The following NEGR1 variants were observed in gnomAD, a reference collection of about 807,000 sequenced individuals.
NEGR1 encodes neuronal growth regulator 1, also known as IgLON family member 4.
A neutral mutation model predicts 40.9 loss-of-function variants in NEGR1; 10 were observed. The observed-to-expected ratio is 0.24, with a 90% confidence interval of 0.15 to 0.42. The LOEUF (loss-of-function observed/expected upper bound fraction) is 0.42. Among genes scored for constraint, NEGR1 ranks in the 10% least tolerant of loss-of-function variants. NEGR1 has a pLI of 1.00. For missense variants in NEGR1, 352 were observed against 438.9 expected (o/e 0.80, Z 1.77); for synonymous variants, 185 against 166.8 (o/e 1.11, Z -0.84).
intron 1 of NEGR1, among the ~76,000 whole-genome samples, chr1:72,131,595 G>C (rs1465085996): frequency 6.6e-6 from 1 of 152,140 alleles, no homozygotes; most frequent in Admixed American, 6.6e-5. Context: ...ACGATAACAA[G>C]ATAATTTTCA....
At chr1:71,781,754 T>C (rs371929749) in intron 2 of NEGR1, among the ~76,000 whole-genome samples, 1 of 152,188 alleles carries the variant, frequency 6.6e-6, no homozygotes, top group African/African-American at 2.4e-5. Context: ...TCTGAAGTTG[T>C]AGACTCATTA....
intron 4 of NEGR1, among the ~76,000 whole-genome samples, chr1:71,622,743 T>C (rs1011094026): frequency 6.6e-6 from 1 of 151,836 alleles, no homozygotes; most frequent in African/African-American, 2.4e-5. Context: ...GCAGTAAATA[T>C]ACATGGGGTA....
rs577022143 is a variant in NEGR1 at position 71,777,191 on chromosome 1, C to T, written c.410-894G>A. Reference sequence around the variant, plus strand: ...CCTCAAAGAGCATGGGTATAAATCTCTATTGGCTAACTGCATTATTTAGAG... The same window carrying T: ...CCTCAAAGAGCATGGGTATAAATCTTTATTGGCTAACTGCATTATTTAGAG... On this transcript the variant is annotated intron_variant, in intron 2 of 6. Coordinates refer to ENST00000357731, the MANE Select transcript of NEGR1 (RefSeq NM_173808.3). Among the ~76,000 whole-genome samples the T allele has an allele frequency of 4.1e-4, 62 of 152,216 alleles. 1 individual carries two copies. Among genetic ancestry groups the T allele is most frequent in the African/African-American group, 1.5e-3 (62 of 41,564 alleles).
chr1:71,572,392 C>T (rs944684737), intron 6 of NEGR1, among the ~76,000 whole-genome samples: 7 of 152,178 alleles, frequency 4.6e-5, no homozygotes, highest in Admixed American at 3.9e-4. Context: ...TTTCACAGGG[C>T]TTCTATTTCT....
At chr1:71,684,949 T>A (rs1652977357) in intron 4 of NEGR1, among the ~76,000 whole-genome samples, 1 of 152,232 alleles carries the variant, frequency 6.6e-6, no homozygotes, top group Non-Finnish European at 1.5e-5. Context: ...ATTGCTTCAA[T>A]ACATCTTTAT....
chr1:72,156,182 G>A (rs1043326236), intron 1 of NEGR1, among the ~76,000 whole-genome samples: 2 of 152,094 alleles, frequency 1.3e-5, no homozygotes, highest in Non-Finnish European at 2.9e-5. Flanking sequence ...CAGATGTAAC[G>A]TGTTCTGACT....
chr1:71,591,755 A>G (rs991731556), intron 6 of NEGR1, among the ~76,000 whole-genome samples: 22 of 152,214 alleles, frequency 1.4e-4, no homozygotes, highest in Admixed American at 3.9e-4. Context: ...ATATAAACTG[A>G]TATGTTTTAT....
intron 1 of NEGR1, among the ~76,000 whole-genome samples, chr1:72,190,479 A>T (rs1327724122): frequency 3.3e-5 from 5 of 151,664 alleles, no homozygotes; most frequent in Non-Finnish European, 7.4e-5. Context: ...GGCTTTAGGT[A>T]TCTATATGGA....
intron 5 of NEGR1, among the ~76,000 whole-genome samples, chr1:71,598,715 G>A (rs931732079): frequency 6.6e-6 from 1 of 152,210 alleles, no homozygotes; most frequent in African/African-American, 2.4e-5. Context: ...GAAGAAAAAT[G>A]CAACCTATCC....
chr1:72,090,621 A>T (rs950646588), intron 1 of NEGR1, among the ~76,000 whole-genome samples: 2 of 150,294 alleles, frequency 1.3e-5, no homozygotes, highest in Non-Finnish European at 3.0e-5. Context: ...AATTTGGATA[A>T]TTTTTTTTTT....
chr1:71,568,375 G>C (rs1333999), intron 6 of NEGR1, among the ~76,000 whole-genome samples: 93,157 of 152,030 alleles, frequency 0.61, 29,068 homozygotes, highest in Middle Eastern at 0.68. Flanking sequence ...TTACCTATGA[G>C]AGATTCTCTT....
Position 71,405,166 on chromosome 1 carries a change from C to A in NEGR1, c.*2280G>T, listed in dbSNP as rs1348893682. ...TCTATGGTAAAAACACCAGACTCCA[C>A]AAATTTGGAATCATGACAACACTTT... On this transcript the variant is annotated 3_prime_UTR_variant, in exon 7 of 7. Transcript: ENST00000357731. 6.6e-6 allele frequency: 1 copy of A among 152,226 alleles called. No individual in the cohort carries two copies. 9.4% of individuals were successfully genotyped at this position (152,226 alleles called of 1,614,324 possible).
chr1:71,669,033 T>C (rs1042098139), intron 4 of NEGR1, among the ~76,000 whole-genome samples: 1 of 152,224 alleles, frequency 6.6e-6, no homozygotes, highest in Non-Finnish European at 1.5e-5. Flanking sequence ...CTTTTACTTA[T>C]ATCAATTTAT....
intron 1 of NEGR1, among the ~76,000 whole-genome samples, chr1:72,248,577 T>TATTATTATC (rs1553153659): frequency 1.6e-5 from 2 of 122,950 alleles, no homozygotes; most frequent in African/African-American, 6.9e-5. Context: ...TATTTTTATT[T>TATTATTATC]ATTATTATTA....
At chr1:71,796,932 G>A (rs888630523) in intron 2 of NEGR1, among the ~76,000 whole-genome samples, 5 of 152,052 alleles carry the variant, frequency 3.3e-5, no homozygotes, top group African/African-American at 1.2e-4. Context: ...AGATTACTAG[G>A]GGCTTAACGG....
intron 3 of NEGR1, among the ~76,000 whole-genome samples, chr1:71,774,483 A>G (rs1388288958): frequency 6.6e-6 from 1 of 152,182 alleles, no homozygotes; most frequent in Non-Finnish European, 1.5e-5. Flanking sequence ...TAATACCAAT[A>G]CTAAGCATGT....
intron 4 of NEGR1, among the ~76,000 whole-genome samples, chr1:71,643,281 G>A (rs929130922): frequency 1.3e-5 from 2 of 151,984 alleles, no homozygotes; most frequent in African/African-American, 4.8e-5. Flanking sequence ...TTAATGCAAC[G>A]TATTTGGGCA....
intron 6 of NEGR1, among the ~76,000 whole-genome samples, chr1:71,540,204 A>T (rs973007794): frequency 6.6e-6 from 1 of 151,844 alleles, no homozygotes; most frequent in African/African-American, 2.4e-5. Flanking sequence ...TCACAGAAGA[A>T]TAAATGTCTT....
chr1:71,788,254 G>C (rs1259747959), intron 2 of NEGR1, among the ~76,000 whole-genome samples: 1 of 152,048 alleles, frequency 6.6e-6, no homozygotes, highest in African/African-American at 2.4e-5. Context: ...AGTTCTCTCT[G>C]AAATTGGATT....
Sources: gnomAD v4.1 joint callset for allele counts (sites outside exome capture counted in the v4.1 genomes callset) on GRCh38, gnomAD v4.1.1 for gene constraint, MANE v1.5 for transcripts, NCBI Gene and HGNC (gene_info 2026-07-23, HGNC 2026-07-21) for gene names.